RGMA: variants seen among roughly 807,000 people sequenced by gnomAD.
RGMA encodes repulsive guidance molecule A.
Under a neutral mutation model 23.2 loss-of-function variants are expected in RGMA, and 10 were observed. That is an observed-to-expected ratio of 0.43 (90% confidence interval 0.27 to 0.73). RGMA has a LOEUF of 0.73. RGMA is among the 30% of genes least tolerant of loss of function. The pLI, the probability that RGMA is intolerant of heterozygous loss-of-function variation, is 0.20. For synonymous variants in RGMA, 308 were observed against 279.3 expected, an observed-to-expected ratio of 1.10 and a Z score of -1.03; for missense variants, 547 against 630.5, an observed-to-expected ratio of 0.87 and a Z score of 1.42.
At chr15:93,047,791 C>T (rs1057209438) in intron 3 of RGMA, among the ~76,000 whole-genome samples, 10 of 152,210 alleles carry the variant, frequency 6.6e-5, no homozygotes, top group East Asian at 1.9e-4. Flanking sequence ...AATGCCGCCG[C>T]GTGCCAAGGG....
In RGMA at chr15:93,045,197, G is replaced by A. The variant is rs772447106; in HGVS notation, c.1154C>T (p.Thr385Met). The A allele has an allele frequency of 3.7e-6, 6 of 1,610,826 alleles. No homozygotes were observed. The highest frequency in any genetic ancestry group is 2.2e-5 in the East Asian group (1 of 44,742). ...YQACVFDLLT[T>M]GDVNFTLAAY... Reference sequence around the variant, plus strand: ...GGCCAGTGTGAAGTTCACGTCGCCCGTGGTGAGGAGGTCGAAGACGCAGGC... The same window carrying A: ...GGCCAGTGTGAAGTTCACGTCGCCCATGGTGAGGAGGTCGAAGACGCAGGC... Residue 385 changes from threonine to methionine, a missense_variant, in exon 4 of 4, where the codon ACG becomes ATG. Around this residue, in one of 3 missense-constraint regions of RGMA, gnomAD observed 205 missense variants for 204.1 expected, o/e 1.00. Transcript: ENST00000329082. The surrounding 1 kb of genome is among the most constrained non-coding windows in gnomAD (Gnocchi z 6.9).
intron 2 of RGMA, among the ~76,000 whole-genome samples, chr15:93,055,571 C>A (rs1342473321): frequency 6.6e-6 from 1 of 152,230 alleles, no homozygotes; most frequent in East Asian, 1.9e-4. Flanking sequence ...AGCTCACGCC[C>A]CCGGCAGCCA....
rs2054686927 is a variant in RGMA at position 93,038,585 on chromosome 15, T to TTTTTTTTTTTA, written c.*6412_*6413insTAAAAAAAAAA. ...CTGTTAGTTGTTTTTTTTTTTTTTT[T>TTTTTTTTTTTA]GAGACGGTGTCTTGCTCTGTCGCCC... On this transcript the variant is annotated 3_prime_UTR_variant, in exon 4 of 4. Coordinates refer to ENST00000329082, the MANE Select transcript of RGMA (RefSeq NM_020211.3). 1.4e-5 allele frequency: 2 copies of TTTTTTTTTTTA among 146,032 alleles called. No homozygotes were observed. The highest frequency in any genetic ancestry group is 5.3e-5 in the African/African-American group (2 of 38,028). 9.0% of individuals were successfully genotyped at this position (146,032 alleles called of 1,614,324 possible).
At chr15:93,080,700 C>T (rs1895545100) in intron 1 of RGMA, among the ~76,000 whole-genome samples, 3 of 152,170 alleles carry the variant, frequency 2.0e-5, no homozygotes, top group Admixed American at 2.0e-4. Flanking sequence ...TGCTGGTTGG[C>T]CAGCAGTTTC....
chr15:93,045,835 C>A lies in RGMA; in HGVS notation c.646-130G>T. 1 of 655,874 alleles carries A rather than the reference C, an allele frequency of 1.5e-6. No individual in the cohort carries two copies. Among genetic ancestry groups the A allele is most frequent in the Non-Finnish European group, 2.6e-6 (1 of 378,074 alleles). 40.6% of individuals were successfully genotyped at this position (655,874 alleles called of 1,614,324 possible). ...AGGGATGCCCCAGACACTCCCTTCT[C>A]CAGGTTGGACAGATCAGTTCCACCT... On this transcript the variant is annotated intron_variant, in intron 3 of 3. Transcript: ENST00000329082. This position sits in a 1 kb window ranked among gnomAD's most constrained non-coding sequence, Gnocchi z 6.9.
chr15:93,065,873 C>G lies in RGMA; in HGVS notation c.130+7043G>C. The G allele has an allele frequency of 5.4e-6, 4 of 735,914 alleles. No homozygotes were observed. The South Asian group carries it at 5.7e-5, about 11-fold the overall frequency. 45.6% of individuals were successfully genotyped at this position (735,914 alleles called of 1,614,324 possible). ...CCCCTCCAATGGGGCTCTTTGGGCT[C>G]TACCCCGTCAGTGCTCTCTGTAGGC... is the stretch of plus-strand genomic sequence containing the variant. On this transcript the variant is annotated intron_variant, in intron 2 of 3. Coordinates refer to ENST00000329082, the MANE Select transcript of RGMA (RefSeq NM_020211.3).
At chr15:93,062,794 C>G (rs1010796306) in intron 2 of RGMA, 6 of 152,408 alleles carry the variant, frequency 3.9e-5, no homozygotes, top group African/African-American at 1.4e-4. Context: ...GTCCCGGGCC[C>G]TCCTCCAAAC....
At chr15:93,061,842 C>T (rs559473737) in intron 2 of RGMA, among the ~76,000 whole-genome samples, 1 of 152,218 alleles carries the variant, frequency 6.6e-6, no homozygotes, top group East Asian at 1.9e-4. Context: ...TGATTATTAC[C>T]GCCCTGTTTG....
At chr15:93,088,246 T>C (rs1895673060) in intron 1 of RGMA, 3 of 461,836 alleles carry the variant, frequency 6.5e-6, no homozygotes, top group Non-Finnish European at 8.5e-6. Context: ...CGCCCTCCCA[T>C]TGAATACACC....
At chr15:93,084,423 C>T (rs1895605067) in intron 1 of RGMA, among the ~76,000 whole-genome samples, 1 of 152,166 alleles carries the variant, frequency 6.6e-6, no homozygotes, top group African/African-American at 2.4e-5. Context: ...GAGAACCAAA[C>T]TTTGTGAAAG....
At chr15:93,062,090 A>G (rs1894985455) in intron 2 of RGMA, among the ~76,000 whole-genome samples, 2 of 152,022 alleles carry the variant, frequency 1.3e-5, no homozygotes, top group African/African-American at 4.8e-5. Context: ...CGGAGAGGGA[A>G]AAGACCTGCC....
At position 93,045,592 on chromosome 15, in the gene RGMA, C is replaced by G. The variant is rs546253188; in HGVS notation, c.759G>C (p.Lys253Asn). 1 of 1,613,324 alleles carries G rather than the reference C, an allele frequency of 6.2e-7. No individual in the cohort carries two copies. The highest frequency in any genetic ancestry group is 1.1e-5 in the South Asian group (1 of 91,090). Residue 253 changes from lysine to asparagine, a missense_variant, in exon 4 of 4, where the codon AAG becomes AAC. Around this residue, in one of 3 missense-constraint regions of RGMA, gnomAD observed 128 missense variants for 191.7 expected, o/e 0.67. Coordinates refer to ENST00000329082, the MANE Select transcript of RGMA (RefSeq NM_020211.3). The surrounding 1 kb of genome is among the most constrained non-coding windows in gnomAD (Gnocchi z 6.9). Reference sequence around the variant, plus strand: ...TGATCTTCAGGCTGTTGGCCCCGTGCTTGTCCCCACCGTTCTTAGAGCCAT... The same window carrying G: ...TGATCTTCAGGCTGTTGGCCCCGTGGTTGTCCCCACCGTTCTTAGAGCCAT... ...FVDGSKNGGD[K>N]HGANSLKITE...
At chr15:93,055,630 G>A (rs969337657) in intron 2 of RGMA, among the ~76,000 whole-genome samples, 1 of 152,184 alleles carries the variant, frequency 6.6e-6, no homozygotes, top group Non-Finnish European at 1.5e-5. Flanking sequence ...TCCCCCACGG[G>A]TGGGCTCCAG....
chr15:93,058,066 C>T (rs1455154010), intron 2 of RGMA, among the ~76,000 whole-genome samples: 1 of 152,186 alleles, frequency 6.6e-6, no homozygotes, highest in Non-Finnish European at 1.5e-5. Context: ...ACTCTGGGTC[C>T]TGAAGCACAA....
At chr15:93,071,710 C>T (rs1272755796) in intron 2 of RGMA, among the ~76,000 whole-genome samples, 1 of 152,258 alleles carries the variant, frequency 6.6e-6, no homozygotes, top group Non-Finnish European at 1.5e-5. Flanking sequence ...CAGACCTGCC[C>T]AGTTTTGCCA....
intron 2 of RGMA, among the ~76,000 whole-genome samples, chr15:93,056,835 T>C (rs542253893): frequency 5.3e-5 from 8 of 152,246 alleles, no homozygotes; most frequent in African/African-American, 1.9e-4. Context: ...GCTGAGGATA[T>C]GAGGAGATGT....
chr15:93,060,292 T>G (rs2055081624), intron 2 of RGMA, among the ~76,000 whole-genome samples: 1 of 152,168 alleles, frequency 6.6e-6, no homozygotes. Context: ...AGAAGCATAT[T>G]ATGGGGTATT....
At chr15:93,067,308 C>T (rs553020602) in intron 2 of RGMA, among the ~76,000 whole-genome samples, 10 of 152,126 alleles carry the variant, frequency 6.6e-5, no homozygotes, top group African/African-American at 2.4e-4. Flanking sequence ...GTGGTCTTTG[C>T]CCATTGAGCA....
intron 2 of RGMA, among the ~76,000 whole-genome samples, chr15:93,055,102 G>A (rs112627491): frequency 2.1e-4 from 32 of 152,260 alleles, no homozygotes; most frequent in Admixed American, 6.5e-4. Flanking sequence ...GGCCCGGTGT[G>A]CTGACCTGCC....
Sources: gnomAD v4.1 joint callset for allele counts (sites outside exome capture counted in the v4.1 genomes callset) on GRCh38, gnomAD v4.1.1 for gene constraint, gnomAD v4.1.1 regional missense constraint, Gnocchi (gnomAD v3.1) non-coding constraint, MANE v1.5 for transcripts, NCBI Gene and HGNC (gene_info 2026-07-23, HGNC 2026-07-21) for gene names.